EYS: variants seen among roughly 807,000 people sequenced by gnomAD.
EYS encodes the protein protein eyes shut homolog.
A neutral mutation model predicts 282.1 loss-of-function variants in EYS; 250 were observed. The ratio of observed to expected loss-of-function variants is 0.89; its 90% CI spans 0.80 to 0.98. EYS has a LOEUF of 0.98. Ranked by LOEUF, EYS falls within the 50% of genes least tolerant of loss-of-function variation. EYS has a pLI of 0.00. For missense variants in EYS, 4,016 were observed against 3,709.0 expected, an observed-to-expected ratio of 1.08 and a Z score of -2.15; for synonymous variants, 1,355 against 1,282.9, an observed-to-expected ratio of 1.06 and a Z score of -1.20.
At chr6:64,517,545 G>A (rs375258107) in intron 26 of EYS, among the ~76,000 whole-genome samples, 2 of 151,780 alleles carry the variant, frequency 1.3e-5, no homozygotes, top group Non-Finnish European at 2.9e-5. Flanking sequence ...AAAACATCAA[G>A]AGTTGTTGGA....
At chr6:65,610,626 C>A (rs1490142) in intron 2 of EYS, among the ~76,000 whole-genome samples, 54,162 of 151,888 alleles carry the variant, frequency 0.36, 12,068 homozygotes, top group Non-Finnish European at 0.49. Flanking sequence ...TCCTCTGTCT[C>A]TGACAATATT....
chr6:65,311,399 G>A (rs1769154874), intron 11 of EYS, among the ~76,000 whole-genome samples: 2 of 152,196 alleles, frequency 1.3e-5, no homozygotes, highest in South Asian at 4.1e-4. Context: ...TTTGACCAAC[G>A]TTGCACTTTA....
chr6:64,376,510 G>A (rs1182418338), intron 29 of EYS, among the ~76,000 whole-genome samples: 2 of 152,192 alleles, frequency 1.3e-5, no homozygotes, highest in African/African-American at 4.8e-5. Flanking sequence ...CCTGCTCCAC[G>A]CATACTGAGA....
At chr6:64,093,294 G>A (rs1439901851) in intron 31 of EYS, among the ~76,000 whole-genome samples, 1 of 152,174 alleles carries the variant, frequency 6.6e-6, no homozygotes. Flanking sequence ...TGTGAAGAAA[G>A]TCATTGGTAG....
chr6:63,766,639 G>C (rs929474430), intron 40 of EYS, among the ~76,000 whole-genome samples: 3 of 152,008 alleles, frequency 2.0e-5, no homozygotes, highest in African/African-American at 4.8e-5. Context: ...GTGCCAGGCA[G>C]TCTTCTAACC....
At chr6:63,981,627 G>C (rs534790744) in intron 35 of EYS, among the ~76,000 whole-genome samples, 4 of 151,832 alleles carry the variant, frequency 2.6e-5, no homozygotes, top group Non-Finnish European at 5.9e-5. Flanking sequence ...AGTATAAAGG[G>C]ACATACAGAT....
chr6:65,599,166 G>T (rs773798472), intron 2 of EYS, among the ~76,000 whole-genome samples: 2 of 151,932 alleles, frequency 1.3e-5, no homozygotes, highest in Non-Finnish European at 2.9e-5. Context: ...GTTTCTATCT[G>T]ATTTTGGCAG....
chr6:64,845,778 A>G (rs904752389), intron 19 of EYS, among the ~76,000 whole-genome samples: 2 of 152,114 alleles, frequency 1.3e-5, no homozygotes, highest in African/African-American at 4.8e-5. Flanking sequence ...TCTAACAAAC[A>G]TCTCATTCTC....
intron 12 of EYS, among the ~76,000 whole-genome samples, chr6:65,072,330 A>T (rs1440323883): frequency 6.6e-6 from 1 of 151,798 alleles, no homozygotes; most frequent in African/African-American, 2.4e-5. Flanking sequence ...ATATCTTAGC[A>T]TGCAAGCAGA....
chr6:63,856,015 G>GTTTT (rs35464160), intron 36 of EYS, among the ~76,000 whole-genome samples: 13 of 138,306 alleles, frequency 9.4e-5, no homozygotes, highest in Admixed American at 1.4e-4. Context: ...TTTCAGTGAA[G>GTTTT]TTTTTTTTTT....
rs551618107 is a variant in EYS at position 64,841,245 on chromosome 6, G to A, written c.2993-18423C>T. ...GAACAACACTTAATCATGTGTTCATGTTCAAAACATCTATGAACCACTTAT... is the reference window on the plus strand; with the variant it reads ...GAACAACACTTAATCATGTGTTCATATTCAAAACATCTATGAACCACTTAT... On this transcript the variant is annotated intron_variant, in intron 19 of 42. Transcript: ENST00000503581. Among the ~76,000 whole-genome samples, 76 of 152,128 alleles carry A rather than the reference G, an allele frequency of 5.0e-4. 1 individual carries two copies. The highest frequency in any genetic ancestry group is 3.4e-3 in the Middle Eastern group (1 of 294).
intron 31 of EYS, among the ~76,000 whole-genome samples, chr6:64,183,898 CTTCTT>C (rs1764856102): frequency 6.6e-6 from 1 of 152,056 alleles, no homozygotes; most frequent in South Asian, 2.1e-4. Flanking sequence ...TGAGAAAACA[CTTCTT>C]TTCTTTTTTT....
chr6:65,108,254 A>G (rs1227824874), intron 12 of EYS, among the ~76,000 whole-genome samples: 1 of 151,996 alleles, frequency 6.6e-6, no homozygotes, highest in Admixed American at 6.6e-5. Flanking sequence ...TTACGGAAAG[A>G]TATTTATTCT....
intron 22 of EYS, among the ~76,000 whole-genome samples, chr6:64,657,593 T>A (rs549873998): frequency 1.2e-3 from 179 of 152,248 alleles, no homozygotes; most frequent in African/African-American, 4.0e-3. Context: ...GTAAAGGTTT[T>A]TATTTCTCCT....
chr6:65,369,457 TGAACCA>T (rs1765055204), intron 8 of EYS, among the ~76,000 whole-genome samples: 1 of 150,856 alleles, frequency 6.6e-6, no homozygotes, highest in Non-Finnish European at 1.5e-5. Flanking sequence ...AATGCCCACA[TGAACCA>T]GAAAAAGATT....
intron 22 of EYS, among the ~76,000 whole-genome samples, chr6:64,793,467 T>C (rs926949966): frequency 6.6e-6 from 1 of 152,158 alleles, no homozygotes; most frequent in African/African-American, 2.4e-5. Context: ...TTGAGTTCCG[T>C]TAGCAGATGA....
intron 12 of EYS, among the ~76,000 whole-genome samples, chr6:65,146,028 A>T (rs1162670133): frequency 6.6e-6 from 1 of 151,762 alleles, no homozygotes. Flanking sequence ...TTTTCTATGA[A>T]TTCAGAATTT....
intron 35 of EYS, among the ~76,000 whole-genome samples, chr6:63,952,019 C>T (rs1364988768): frequency 2.0e-5 from 3 of 152,236 alleles, no homozygotes; most frequent in Admixed American, 1.3e-4. Context: ...ACTCAACTAA[C>T]CTCACCTTCA....
chr6:65,684,517 T>G (rs948016789), intron 1 of EYS, among the ~76,000 whole-genome samples: 8 of 151,932 alleles, frequency 5.3e-5, no homozygotes, highest in African/African-American at 1.9e-4. Context: ...GGTACAGAAA[T>G]GAAGTGTTGT....
Sources: gnomAD v4.1 joint callset for allele counts (sites outside exome capture counted in the v4.1 genomes callset) on GRCh38, gnomAD v4.1.1 for gene constraint, MANE v1.5 for transcripts, NCBI Gene and HGNC (gene_info 2026-07-23, HGNC 2026-07-21) for gene names.